Variants in LRRC4C observed in about 807,000 individuals in gnomAD.
LRRC4C encodes leucine-rich repeat-containing protein 4C.
LRRC4C carries 5 observed loss-of-function variants against 33.6 expected under a neutral mutation model. That is an observed-to-expected ratio of 0.15 (90% confidence interval 0.08 to 0.31). The LOEUF is 0.31. Ranked by LOEUF, LRRC4C falls within the 10% of genes least tolerant of loss-of-function variation. The pLI is 1.00. For synonymous variants in LRRC4C, 329 were observed against 302.0 expected (o/e 1.09, Z -0.93); for missense variants, 560 against 796.7 (o/e 0.70, Z 3.58).
At chr11:40,484,250 TAC>T (rs1354112506) in intron 3 of LRRC4C, among the ~76,000 whole-genome samples, 2 of 152,128 alleles carry the variant, frequency 1.3e-5, no homozygotes, top group Non-Finnish European at 2.9e-5. Context: ...TAAAATGGTA[TAC>T]AGTTATTCAC....
At chr11:40,731,881 G>C (rs368080495) in intron 2 of LRRC4C, among the ~76,000 whole-genome samples, 11 of 151,890 alleles carry the variant, frequency 7.2e-5, no homozygotes, top group African/African-American at 1.9e-4. Flanking sequence ...GGAGTCTTCT[G>C]ACAACAATAT....
chr11:40,701,120 A>C (rs1945845211), intron 2 of LRRC4C, among the ~76,000 whole-genome samples: 1 of 152,166 alleles, frequency 6.6e-6, no homozygotes, highest in South Asian at 2.1e-4. Flanking sequence ...CCTGTGGTAA[A>C]TGTAAAAGAT....
intron 1 of LRRC4C, among the ~76,000 whole-genome samples, chr11:41,185,091 A>T (rs571355718): frequency 6.6e-6 from 1 of 152,116 alleles, no homozygotes; most frequent in East Asian, 1.9e-4. Flanking sequence ...ACACATGGGA[A>T]TTGTGGGAGT....
intron 4 of LRRC4C, among the ~76,000 whole-genome samples, chr11:40,301,204 C>T (rs548020191): frequency 1.3e-5 from 2 of 152,292 alleles, no homozygotes; most frequent in South Asian, 2.1e-4. Flanking sequence ...AAAGAAACAA[C>T]GGTATGACAA....
intron 3 of LRRC4C, chr11:40,445,231 C>T (rs1163651861): frequency 1.4e-4 from 21 of 152,172 alleles, no homozygotes; most frequent in Admixed American, 9.2e-4. Context: ...GAATAATTTT[C>T]GGAGAACAGT....
chr11:41,000,807 A>G (rs1425427882), intron 1 of LRRC4C, among the ~76,000 whole-genome samples: 1 of 152,210 alleles, frequency 6.6e-6, no homozygotes, highest in African/African-American at 2.4e-5. Context: ...AATCTTGTCT[A>G]TAATTTAGTA....
At chr11:41,143,972 G>A (rs540256102) in intron 1 of LRRC4C, among the ~76,000 whole-genome samples, 4 of 152,278 alleles carry the variant, frequency 2.6e-5, no homozygotes, top group African/African-American at 9.6e-5. Flanking sequence ...TTCAAAGAGT[G>A]TACTTTCTGA....
At chr11:40,518,617 G>T (rs947764840) in intron 3 of LRRC4C, among the ~76,000 whole-genome samples, 2 of 152,164 alleles carry the variant, frequency 1.3e-5, no homozygotes, top group Admixed American at 6.5e-5. Flanking sequence ...TAATGGAGAC[G>T]ATATGGAGAA....
At chr11:41,154,578 C>T (rs1944143001) in intron 1 of LRRC4C, among the ~76,000 whole-genome samples, 1 of 152,220 alleles carries the variant, frequency 6.6e-6, no homozygotes, top group South Asian at 2.1e-4. Flanking sequence ...TTTTGCATGT[C>T]ATTCAAATAA....
chr11:40,567,010 T>C (rs1193492945), intron 3 of LRRC4C, among the ~76,000 whole-genome samples: 1 of 152,148 alleles, frequency 6.6e-6, no homozygotes, highest in Non-Finnish European at 1.5e-5. Flanking sequence ...TTTTGTATAA[T>C]AAATGGTGTT....
At chr11:41,137,574 C>A (rs555078323) in intron 1 of LRRC4C, among the ~76,000 whole-genome samples, 2 of 152,206 alleles carry the variant, frequency 1.3e-5, no homozygotes, top group Admixed American at 6.5e-5. Flanking sequence ...ATCTTTCCAT[C>A]ATCAGTGACA....
intron 1 of LRRC4C, among the ~76,000 whole-genome samples, chr11:41,096,059 G>A (rs1032868592): frequency 6.6e-6 from 1 of 151,990 alleles, no homozygotes; most frequent in African/African-American, 2.4e-5. Context: ...GTATTAAGTA[G>A]TATGGACAAA....
intron 4 of LRRC4C, among the ~76,000 whole-genome samples, chr11:40,253,172 T>C (rs1866920668): frequency 6.6e-6 from 1 of 152,228 alleles, no homozygotes. Flanking sequence ...TAGGTATATA[T>C]ACTTTTATGT....
chr11:40,839,169 T>C (rs1349647319), intron 2 of LRRC4C, among the ~76,000 whole-genome samples: 2 of 152,194 alleles, frequency 1.3e-5, no homozygotes, highest in Non-Finnish European at 1.5e-5. Context: ...GTTTTTCTAC[T>C]GTGTGTTCAA....
intron 3 of LRRC4C, among the ~76,000 whole-genome samples, chr11:40,527,262 C>T (rs1956090719): frequency 1.3e-5 from 2 of 151,956 alleles, no homozygotes; most frequent in Admixed American, 1.3e-4. Flanking sequence ...GTGCACTTGT[C>T]TGCAATATAC....
intron 3 of LRRC4C, among the ~76,000 whole-genome samples, chr11:40,644,636 A>G (rs955836593): frequency 3.3e-5 from 5 of 152,220 alleles, no homozygotes; most frequent in Admixed American, 3.3e-4. Flanking sequence ...AGAGAATTAT[A>G]CTGAGTGAAA....
chr11:40,229,570 G>T (rs1479411268), intron 5 of LRRC4C, among the ~76,000 whole-genome samples: 2 of 152,110 alleles, frequency 1.3e-5, no homozygotes, highest in Admixed American at 1.3e-4. Context: ...ACCACACCTG[G>T]CCCTTATGGC....
At chr11:40,363,483 G>A (rs1030311771) in intron 3 of LRRC4C, among the ~76,000 whole-genome samples, 7 of 151,774 alleles carry the variant, frequency 4.6e-5, no homozygotes, top group Admixed American at 6.6e-5. Context: ...TGTGGGTGAC[G>A]AAATAATCTG....
At chr11:40,158,867 T>A (rs1334373780) in intron 5 of LRRC4C, among the ~76,000 whole-genome samples, 1 of 152,090 alleles carries the variant, frequency 6.6e-6, no homozygotes, top group Non-Finnish European at 1.5e-5. Context: ...CAATTGTGGA[T>A]TAATAGTAGG....
Sources: gnomAD v4.1 joint callset for allele counts (sites outside exome capture counted in the v4.1 genomes callset) on GRCh38, gnomAD v4.1.1 for gene constraint, MANE v1.5 for transcripts, NCBI Gene and HGNC (gene_info 2026-07-23, HGNC 2026-07-21) for gene names.